CSNK2A1: variants seen among roughly 807,000 people sequenced by gnomAD.
The protein encoded by CSNK2A1 is casein kinase 2 alpha 1.
CSNK2A1 carries 10 observed loss-of-function variants against 62.9 expected under a neutral mutation model. The observed-to-expected ratio is 0.16, with a 90% CI of 0.10 to 0.27. CSNK2A1 has a LOEUF of 0.27. Among genes scored for constraint, CSNK2A1 ranks in the 10% least tolerant of loss-of-function variants. The pLI, the probability that CSNK2A1 is intolerant of heterozygous loss-of-function variation, is 1.00. For missense variants in CSNK2A1, 160 were observed against 492.0 expected (o/e 0.33, Z 6.38); for synonymous variants, 124 against 167.8 (o/e 0.74, Z 2.02).
Position 478,566 on chromosome 20 carries a change from G to A in CSNK2A1, c.*5395C>T. On this transcript the variant is annotated 3_prime_UTR_variant, in exon 14 of 14. Coordinates refer to ENST00000217244, the MANE Select transcript of CSNK2A1 (RefSeq NM_177559.3). ...CCCCCCAGGAACTTCTCTAAGAAAT[G>A]GACTGACCATCCTGTAAGCTTCCAT... The A allele has an allele frequency of 2.9e-6, 1 of 350,842 alleles. No homozygotes were observed. Among genetic ancestry groups the A allele is most frequent in the Non-Finnish European group, 5.5e-6 (1 of 182,300 alleles). 21.7% of individuals were successfully genotyped at this position (350,842 alleles called of 1,614,324 possible).
intron 2 of CSNK2A1, among the ~76,000 whole-genome samples, chr20:524,912 G>A (rs183685782): frequency 2.6e-4 from 40 of 152,064 alleles, no homozygotes; most frequent in Admixed American, 1.3e-3. Context: ...GGCTGAGTTC[G>A]TGACCAGCCT....
intron 1 of CSNK2A1, among the ~76,000 whole-genome samples, chr20:541,724 CA>C (rs2019454131): frequency 6.6e-6 from 1 of 152,182 alleles, no homozygotes; most frequent in Non-Finnish European, 1.5e-5. Context: ...CTGTATTCCA[CA>C]AAGGAGTACA....
At chr20:541,127 AT>A (rs1245606811) in intron 1 of CSNK2A1, 6 of 152,196 alleles carry the variant, frequency 3.9e-5, no homozygotes, top group African/African-American at 1.4e-4. Flanking sequence ...AGTCCTTCTC[AT>A]GCTTCAAATC....
In CSNK2A1 at chr20:483,507, C is replaced by T. The variant is rs1046835250; in HGVS notation, c.*454G>A. ...CCTTCCTTCCTTTCTTCCTGCCTCCCCTGAGAAGCTACATTTTTGTAATCT... is the reference window on the plus strand; with the variant it reads ...CCTTCCTTCCTTTCTTCCTGCCTCCTCTGAGAAGCTACATTTTTGTAATCT... On this transcript the variant is annotated 3_prime_UTR_variant, in exon 14 of 14. Transcript: ENST00000217244. 3 of 152,582 alleles carry T rather than the reference C, an allele frequency of 2.0e-5. No individual in the cohort carries two copies. The highest frequency in any genetic ancestry group is 2.0e-4 in the Admixed American group (3 of 15,266). The allele number at this position is 152,582 out of a possible 1,614,324, so 9.5% of individuals were successfully genotyped here.
At chr20:495,868 T>C in intron 7 of CSNK2A1, 66 bp from the exon 8 acceptor site, 1 of 1,423,964 alleles carries the variant, frequency 7.0e-7, no homozygotes, top group Non-Finnish European at 9.9e-7. Context: ...TACTTTTCCC[T>C]CCATGTAAAT....
rs888883537 is a variant in CSNK2A1 at position 499,067 on chromosome 20, G to A, written c.366+188C>T. 2.7e-5 allele frequency: 10 copies of A among 376,834 alleles called. No individual in the cohort carries two copies. Among genetic ancestry groups the A allele is most frequent in the Non-Finnish European group, 3.3e-5 (7 of 210,660 alleles). The allele number at this position is 376,834 out of a possible 1,614,324, so 23.3% of individuals were successfully genotyped here. On this transcript the variant is annotated intron_variant, in intron 6 of 13. Coordinates refer to ENST00000217244, the MANE Select transcript of CSNK2A1 (RefSeq NM_177559.3). This position sits in a 1 kb window ranked among gnomAD's most constrained non-coding sequence, Gnocchi z 4.2. ...TCATTAAAAAGAACATTAAACAAAT[G>A]GGCAAAATATCAAGATGCAGAAAGT...
chr20:531,840 T>C (rs981714853), intron 1 of CSNK2A1, among the ~76,000 whole-genome samples: 1 of 152,224 alleles, frequency 6.6e-6, no homozygotes, highest in Non-Finnish European at 1.5e-5. Context: ...AAAGATACAG[T>C]AGCATTCAGA....
At chr20:524,979 G>A (rs1236460866) in intron 2 of CSNK2A1, among the ~76,000 whole-genome samples, 1 of 151,842 alleles carries the variant, frequency 6.6e-6, no homozygotes, top group Non-Finnish European at 1.5e-5. Flanking sequence ...AGCTAAGTAT[G>A]GTGCATGCAC....
intron 4 of CSNK2A1, 154 bp from the exon 5 acceptor site, chr20:500,088 T>C: frequency 1.6e-6 from 1 of 617,468 alleles, no homozygotes; most frequent in Non-Finnish European, 2.8e-6. Flanking sequence ...ATCCTTCTCC[T>C]AGCACTGTGC....
At chr20:524,729 A>G (rs904351880) in intron 2 of CSNK2A1, among the ~76,000 whole-genome samples, 9 of 146,262 alleles carry the variant, frequency 6.2e-5, no homozygotes, top group Non-Finnish European at 1.1e-4. Context: ...AAAAAAAAAA[A>G]AGAGATACAT....
At chr20:501,757 T>A (rs1050742597) in intron 4 of CSNK2A1, 1 of 152,138 alleles carries the variant, frequency 6.6e-6, no homozygotes, top group Non-Finnish European at 1.5e-5. Context: ...TAAGTACATC[T>A]CATCTCTTCA....
intron 2 of CSNK2A1, among the ~76,000 whole-genome samples, chr20:516,293 C>T (rs1250017310): frequency 1.3e-5 from 2 of 152,164 alleles, no homozygotes; most frequent in Non-Finnish European, 2.9e-5. Context: ...ACCTTAACAC[C>T]GTCAGAATGA....
intron 3 of CSNK2A1, 77 bp from the exon 4 acceptor site, chr20:505,306 C>A: frequency 1.0e-6 from 1 of 987,986 alleles, no homozygotes; most frequent in African/African-American, 1.7e-5. Context: ...CTATTACCAG[C>A]AGCTGTAATA....
In CSNK2A1 at chr20:499,600, T is replaced by A; in HGVS notation, c.315+233A>T. ...TGAGTTTGCAAAATGGATTAACACA[T>A]TTCAGTTTCCAGTGCTATCAGTCTC... On this transcript the variant is annotated intron_variant, in intron 5 of 13. Transcript: ENST00000217244. This position sits in a 1 kb window ranked among gnomAD's most constrained non-coding sequence, Gnocchi z 4.2. The A allele has an allele frequency of 1.8e-6, 1 of 564,366 alleles. No homozygotes were observed. The highest frequency in any genetic ancestry group is 3.1e-6 in the Non-Finnish European group (1 of 322,982). 35.0% of individuals were successfully genotyped at this position (564,366 alleles called of 1,614,324 possible). A position where few individuals can be genotyped will look rare whatever the true frequency, so the allele number is the denominator to read the frequency against.
At chr20:492,182 CTT>C (rs1035233093) in intron 9 of CSNK2A1, 70 bp downstream of exon 9, 707 of 1,042,428 alleles carry the variant, frequency 6.8e-4, no homozygotes, top group South Asian at 8.0e-4. Context: ...CAAAATGATA[CTT>C]TTTTTTTTTT....
chr20:519,544 T>C (rs556838242), intron 2 of CSNK2A1, among the ~76,000 whole-genome samples: 1 of 152,126 alleles, frequency 6.6e-6, no homozygotes, highest in Non-Finnish European at 1.5e-5. Context: ...CAAGACCTTG[T>C]CTCAAACAAA....
intron 1 of CSNK2A1, among the ~76,000 whole-genome samples, chr20:529,486 C>G (rs1465953313): frequency 6.6e-6 from 1 of 152,122 alleles, no homozygotes; most frequent in Non-Finnish European, 1.5e-5. Flanking sequence ...TGCAGTATTG[C>G]AGTGCTTGTC....
At chr20:529,383 C>G (rs1204415727) in intron 1 of CSNK2A1, among the ~76,000 whole-genome samples, 1 of 152,100 alleles carries the variant, frequency 6.6e-6, no homozygotes, top group East Asian at 1.9e-4. Flanking sequence ...CCATCTAGTA[C>G]CATCCAGCCC....
At position 516,880 on chromosome 20, in the gene CSNK2A1, C is replaced by T. The variant is rs8122480; in HGVS notation, c.-109-8220G>A. Among the ~76,000 whole-genome samples, 279 of 152,178 alleles carry T rather than the reference C, an allele frequency of 1.8e-3. 1 individual carries two copies. The highest frequency in any genetic ancestry group is 6.5e-3 in the African/African-American group (272 of 41,530). On this transcript the variant is annotated intron_variant, in intron 2 of 13. Coordinates refer to ENST00000217244, the MANE Select transcript of CSNK2A1 (RefSeq NM_177559.3). ...GGAAAAAAAAAATCTCCTTCTCATC[C>T]CTAAATGAACCATAGCAAATGAACA...
Sources: gnomAD v4.1 joint callset for allele counts (sites outside exome capture counted in the v4.1 genomes callset) on GRCh38, gnomAD v4.1.1 for gene constraint, Gnocchi (gnomAD v3.1) non-coding constraint, MANE v1.5 for transcripts, NCBI Gene and HGNC (gene_info 2026-07-23, HGNC 2026-07-21) for gene names.